The following NUP210 variants were observed in gnomAD, a reference collection of about 807,000 sequenced individuals.
NUP210 encodes the protein nuclear pore membrane glycoprotein 210.
Under a neutral mutation model 196.0 loss-of-function variants are expected in NUP210, and 151 were observed. The observed-to-expected ratio is 0.77, with a 90% CI of 0.67 to 0.88. The LOEUF (loss-of-function observed/expected upper bound fraction) is 0.88, where lower values mean the gene tolerates loss of function less well. NUP210 is among the 40% of genes least tolerant of loss of function. The pLI is 0.00. For synonymous variants in NUP210, 1,070 were observed against 1,052.7 expected (o/e 1.02, Z -0.32); for missense variants, 2,314 against 2,493.7 (o/e 0.93, Z 1.53).
chr3:13,321,127 C>T (rs1458631549), intron 36 of NUP210, among the ~76,000 whole-genome samples: 9 of 152,268 alleles, frequency 5.9e-5, no homozygotes, highest in Admixed American at 5.9e-4. Flanking sequence ...TCTTCCCAGC[C>T]TGCCAGGCTC....
intron 21 of NUP210, 82 bp downstream of exon 21, chr3:13,343,093 G>A (rs1424896646): frequency 1.3e-6 from 2 of 1,542,004 alleles, no homozygotes; most frequent in Non-Finnish European, 1.8e-6. Context: ...CAAAGGCCAT[G>A]CGGAACATTC....
intron 2 of NUP210, 99 bp downstream of exon 2, chr3:13,399,626 C>T: frequency 6.5e-7 from 1 of 1,527,486 alleles, no homozygotes; most frequent in Non-Finnish European, 8.9e-7. Context: ...AGAGAAAGCC[C>T]TGCCATGGGC....
At position 13,336,051 on chromosome 3, in the gene NUP210, G is replaced by A. The variant is rs1051943348; in HGVS notation, c.3685-439C>T. On this transcript the variant is annotated intron_variant, in intron 27 of 39. Coordinates refer to ENST00000254508, the MANE Select transcript of NUP210 (RefSeq NM_024923.4). ...ATGGGAGCAATCTGGGGGAGCCCCCGGGCACCAGGGACAGGACTCTGTTCC... is the reference window on the plus strand; with the variant it reads ...ATGGGAGCAATCTGGGGGAGCCCCCAGGCACCAGGGACAGGACTCTGTTCC... Among the ~76,000 whole-genome samples the A allele has an allele frequency of 3.3e-5, 5 of 152,230 alleles. No homozygotes were observed. The East Asian group carries it at 5.8e-4, about 18-fold the overall frequency.
chr3:13,415,768 G>A (rs1393516958), intron 1 of NUP210, among the ~76,000 whole-genome samples: 6 of 152,134 alleles, frequency 3.9e-5, no homozygotes, highest in South Asian at 2.1e-4. Flanking sequence ...ACCTGCTGAC[G>A]TGCCCGTCCC....
rs1252885824 is a variant in NUP210, at chr3:13,322,231, T to A, written c.4877A>T (p.Asp1626Val). The A allele has an allele frequency of 5.0e-6, 8 of 1,614,058 alleles. No homozygotes were observed. The East Asian group carries it at 6.7e-5, about 13-fold the overall frequency. The change falls in exon 35 of 40, where the codon GAT (aspartate) becomes GTT (valine). Residue 1626 changes from aspartate (D) to valine (V), a missense_variant. Asp to Val is a radical substitution (Grantham distance 152). Coordinates refer to ENST00000254508, the MANE Select transcript of NUP210 (RefSeq NM_024923.4). ...AAACTGTGGCTCCACGGTGAACACA[T>A]CTTGAGATGGGAAATCAAAGACGGC... is the stretch of plus-strand genomic sequence containing the variant. ...KPAVFDFPSQ[D>V]VFTVEPQFDT...
intron 33 of NUP210, among the ~76,000 whole-genome samples, chr3:13,325,489 C>T (rs1332435601): frequency 1.3e-5 from 2 of 152,096 alleles, no homozygotes; most frequent in Non-Finnish European, 2.9e-5. Flanking sequence ...CAGGGAAGCA[C>T]CGGCTCCCAG....
At chr3:13,330,149 C>T (rs1696935952) in intron 30 of NUP210, among the ~76,000 whole-genome samples, 1 of 152,244 alleles carries the variant, frequency 6.6e-6, no homozygotes, top group Non-Finnish European at 1.5e-5. Context: ...GGGTGGAGCA[C>T]CCGCACTCCA....
At chr3:13,365,906 G>C in intron 14 of NUP210, 40 bp downstream of exon 14, 2 of 1,607,988 alleles carry the variant, frequency 1.2e-6, no homozygotes, top group African/African-American at 2.7e-5. Flanking sequence ...CTGGGAAGGA[G>C]TGGGCAGGGG....
intron 1 of NUP210, among the ~76,000 whole-genome samples, chr3:13,412,305 C>A (rs192444184): frequency 6.9e-6 from 1 of 144,384 alleles, no homozygotes; most frequent in African/African-American, 2.7e-5. Context: ...TGAGCTTAAG[C>A]GATCCTCCTG....
At chr3:13,413,618 C>G (rs1700250330) in intron 1 of NUP210, among the ~76,000 whole-genome samples, 1 of 152,208 alleles carries the variant, frequency 6.6e-6, no homozygotes, top group South Asian at 2.1e-4. Flanking sequence ...TAGGCGTCTG[C>G]CTGTTCTCTT....
intron 5 of NUP210, among the ~76,000 whole-genome samples, chr3:13,386,897 C>T (rs1013723248): frequency 5.3e-5 from 8 of 152,308 alleles, no homozygotes; most frequent in Admixed American, 2.6e-4. Context: ...TGACCTCCTG[C>T]CTCCTCAGGA....
chr3:13,390,800 T>G (rs1699464244), intron 4 of NUP210, among the ~76,000 whole-genome samples: 2 of 152,334 alleles, frequency 1.3e-5, no homozygotes, highest in South Asian at 4.1e-4. Context: ...TACCGCCATA[T>G]GGGCGACTCA....
intron 30 of NUP210, 106 bp from the exon 31 acceptor site, chr3:13,329,052 C>T: frequency 1.1e-6 from 1 of 946,352 alleles, no homozygotes; most frequent in African/African-American, 1.6e-5. Context: ...GGATCCACCT[C>T]AGGAACAATG....
intron 32 of NUP210, among the ~76,000 whole-genome samples, chr3:13,326,769 C>T (rs372958367): frequency 4.6e-5 from 7 of 152,230 alleles, no homozygotes; most frequent in South Asian, 2.1e-4. Context: ...AGCAGAGATC[C>T]GTGTGTCTCC....
Position 13,358,264 on chromosome 3 carries a change from C to T in NUP210, c.2286G>A (p.Gln762=). The T allele has an allele frequency of 6.2e-7, 1 of 1,613,486 alleles. No homozygotes were observed. Among genetic ancestry groups the T allele is most frequent in the Non-Finnish European group, 8.5e-7 (1 of 1,179,754 alleles). The change falls in exon 16 of 40, where the codon CAG becomes CAA. Residue 762 remains glutamine (Q), a synonymous_variant. Coordinates refer to ENST00000254508, the MANE Select transcript of NUP210 (RefSeq NM_024923.4). ...LTLAPVYTSP[Q]LDMSCPLLQQ... ...GCAGCAGCGGACAGGACATGTCCAG[C>T]TGGGGGCTGGTGTAGACAGGCGCGA...
Position 13,317,800 on chromosome 3 carries a change from C to G in NUP210, c.5564-19G>C. On this transcript the variant is annotated intron_variant, in intron 39 of 39. Coordinates refer to ENST00000254508, the MANE Select transcript of NUP210 (RefSeq NM_024923.4). ...GCGAAATCTAGGGTGGGAAGAGAGA[C>G]GATGTTAGCAGCAGAGCCAGGGAAA... 6.4e-7 allele frequency: 1 copy of G among 1,554,596 alleles called. No homozygotes were observed. Among genetic ancestry groups the G allele is most frequent in the South Asian group, 1.2e-5 (1 of 86,814 alleles).
intron 1 of NUP210, among the ~76,000 whole-genome samples, chr3:13,412,970 C>CA (rs1298667617): frequency 2.0e-5 from 3 of 151,200 alleles, no homozygotes; most frequent in Non-Finnish European, 2.9e-5. Context: ...GACTCTGTCT[C>CA]AAAAAAAGAA....
At position 13,379,063 on chromosome 3, in the gene NUP210, A is replaced by G; in HGVS notation, c.977-83T>C. The G allele has an allele frequency of 8.7e-7, 1 of 1,146,164 alleles. No individual in the cohort carries two copies. The highest frequency in any genetic ancestry group is 2.4e-5 in the East Asian group (1 of 42,516). 71.0% of individuals were successfully genotyped at this position (1,146,164 alleles called of 1,614,324 possible). A position where few individuals can be genotyped will look rare whatever the true frequency, so the allele number is the denominator to read the frequency against. On this transcript the variant is annotated intron_variant, in intron 7 of 39. Transcript: ENST00000254508. The surrounding 1 kb of genome is among the most constrained non-coding windows in gnomAD (Gnocchi z 4.2). ...AGTTTCAGCTTGGCTCAGAATCCTG[A>G]TCATCAAGACATCACATGGAGAGAA...
chr3:13,411,115 C>A (rs1479949860), intron 1 of NUP210, among the ~76,000 whole-genome samples: 2 of 151,730 alleles, frequency 1.3e-5, no homozygotes, highest in African/African-American at 4.8e-5. Flanking sequence ...ATCTATAGTC[C>A]CAACTACTCT....
Sources: gnomAD v4.1 joint callset for allele counts (sites outside exome capture counted in the v4.1 genomes callset) on GRCh38, gnomAD v4.1.1 for gene constraint, Gnocchi (gnomAD v3.1) non-coding constraint, MANE v1.5 for transcripts, NCBI Gene and HGNC (gene_info 2026-07-23, HGNC 2026-07-21) for gene names.